Variants in ARID1B observed in about 807,000 individuals in gnomAD.
ARID1B encodes the protein AT-rich interaction domain 1B, also known as AT-rich interactive domain-containing protein 1B.
In ARID1B, 30 loss-of-function variants were observed where a neutral mutation model predicts 212.3. The ratio of observed to expected loss-of-function variants is 0.14; its 90% CI spans 0.11 to 0.19. The LOEUF is 0.19. Ranked by LOEUF, ARID1B falls within the 10% of genes least tolerant of loss-of-function variation. The pLI is 1.00. For synonymous variants in ARID1B, 1,402 were observed against 1,301.7 expected, an observed-to-expected ratio of 1.08 and a Z score of -1.66; for missense variants, 2,891 against 3,204.0, an observed-to-expected ratio of 0.90 and a Z score of 2.36.
At position 157,201,246 on chromosome 6, in the gene ARID1B, C is replaced by A. The variant is rs893119629; in HGVS notation, c.5021C>A (p.Ser1674Tyr). ...QTPPSLPNHI[S>Y]RAPSPASFQR... ...CCACCGTCACTGCCAAATCACATCT[C>A]CAGGGCGCCCAGCCCAGCGTCCTTC... Residue 1674 changes from serine to tyrosine, a missense_variant, in exon 18 of 20, where the codon TCC becomes TAC. Physicochemically the swap from Ser to Tyr is moderately radical, Grantham distance 144. Coordinates refer to ENST00000636930, the MANE Select transcript of ARID1B (RefSeq NM_001374828.1). This position sits in a 1 kb window ranked among gnomAD's most constrained non-coding sequence, Gnocchi z 5.2. 1 of 1,614,000 alleles carries A rather than the reference C, an allele frequency of 6.2e-7. No homozygotes were observed. The highest frequency in any genetic ancestry group is 8.5e-7 in the Non-Finnish European group (1 of 1,179,958).
chr6:157,108,445 A>G (rs796941807), intron 5 of ARID1B, among the ~76,000 whole-genome samples: 30 of 152,330 alleles, frequency 2.0e-4, no homozygotes, highest in African/African-American at 7.0e-4. Context: ...CCTGTCATGC[A>G]GAAGTGATCC....
At chr6:156,921,489 A>G (rs1010307958) in intron 3 of ARID1B, among the ~76,000 whole-genome samples, 1 of 133,002 alleles carries the variant, frequency 7.5e-6, no homozygotes, top group East Asian at 2.4e-4. Context: ...ACACACACAC[A>G]CACAAAATGT....
At chr6:157,169,615 G>A (rs566342741) in intron 9 of ARID1B, 1 of 152,294 alleles carries the variant, frequency 6.6e-6, no homozygotes, top group African/African-American at 2.4e-5. Context: ...ACAAATCACT[G>A]TAATACAATA....
At chr6:156,948,068 C>G (rs906902358) in intron 4 of ARID1B, among the ~76,000 whole-genome samples, 20 of 152,134 alleles carry the variant, frequency 1.3e-4, no homozygotes, top group African/African-American at 4.6e-4. Flanking sequence ...CCATGGTGTC[C>G]TGTGAGCTTT....
intron 4 of ARID1B, among the ~76,000 whole-genome samples, chr6:156,947,623 G>C (rs1315594396): frequency 7.0e-6 from 1 of 142,730 alleles, no homozygotes; most frequent in Non-Finnish European, 1.5e-5. Context: ...TCTGAACTCT[G>C]AAGGGCTAAT....
Position 156,899,820 on chromosome 6 carries a change from T to C in ARID1B, c.1987-1556T>C, listed in dbSNP as rs537566000. Among the ~76,000 whole-genome samples the C allele has an allele frequency of 2.6e-5, 4 of 152,298 alleles. No individual in the cohort carries two copies. In the South Asian group the frequency reaches 8.3e-4, roughly 32 times the overall value. Reference sequence around the variant, plus strand: ...AGTCAACATATTAAAGCGCAATTCATAGGGGAGTTGCTGGCTGTGTTGACT... The same window carrying C: ...AGTCAACATATTAAAGCGCAATTCACAGGGGAGTTGCTGGCTGTGTTGACT... On this transcript the variant is annotated intron_variant, in intron 2 of 19. Coordinates refer to ENST00000636930, the MANE Select transcript of ARID1B (RefSeq NM_001374828.1).
At chr6:157,118,367 T>A (rs1787472156) in intron 6 of ARID1B, among the ~76,000 whole-genome samples, 1 of 152,232 alleles carries the variant, frequency 6.6e-6, no homozygotes, top group Non-Finnish European at 1.5e-5. Flanking sequence ...CAGAAAATAT[T>A]CTCTTAATCT....
At chr6:157,005,629 G>C (rs1239802955) in intron 4 of ARID1B, among the ~76,000 whole-genome samples, 3 of 152,116 alleles carry the variant, frequency 2.0e-5, no homozygotes, top group Admixed American at 1.3e-4. Context: ...TTAGTGATTT[G>C]TTCATGAACT....
At position 156,901,435 on chromosome 6, in the gene ARID1B, A is replaced by C. The variant is rs766599882; in HGVS notation, c.2046A>C (p.Pro682=). The change falls in exon 3 of 20, where the codon CCA becomes CCC. Residue 682 remains proline (P), a synonymous_variant. Transcript: ENST00000636930. ...VSGYCQQGQQ[P]YYSQQPQPPH... ...GTTACTGCCAGCAGGGCCAACAGCC[A>C]TATTACAGCCAGCAGCCGCAGCCCC... 3 of 1,614,196 alleles carry C rather than the reference A, an allele frequency of 1.9e-6. No individual in the cohort carries two copies. Among genetic ancestry groups the C allele is most frequent in the Non-Finnish European group, 2.5e-6 (3 of 1,180,052 alleles).
chr6:157,201,308 T>A lies in ARID1B; in HGVS notation c.5083T>A (p.Ser1695Thr). 6.2e-7 allele frequency: 1 copy of A among 1,613,956 alleles called. No individual in the cohort carries two copies. The change falls in exon 18 of 20, where the codon TCT (serine) becomes ACT (threonine). Residue 1695 changes from serine to threonine, a missense_variant. Ser to Thr is a moderately conservative substitution (Grantham distance 58). Transcript: ENST00000636930. The surrounding 1 kb of genome is among the most constrained non-coding windows in gnomAD (Gnocchi z 5.2). The part of the protein sequence containing the change: ...SLENRMSPSK[S>T]PFLPSMKMQK... ...GGAGAACCGCATGTCTCCAAGCAAG[T>A]CTCCTTTTCTGCCGTCTATGAAGAT...
chr6:157,037,852 T>TGC (rs1291045846), intron 4 of ARID1B, among the ~76,000 whole-genome samples: 1 of 152,146 alleles, frequency 6.6e-6, no homozygotes, highest in Non-Finnish European at 1.5e-5. Flanking sequence ...AACCGCAGTG[T>TGC]GCAGGGTCTG....
rs190019057 is a variant in ARID1B at position 157,177,843 on chromosome 6, G to A, written c.3504+2838G>A. Among the ~76,000 whole-genome samples the A allele has an allele frequency of 2.0e-5, 3 of 152,322 alleles. No individual in the cohort carries two copies. In the East Asian group the frequency reaches 5.8e-4, roughly 29 times the overall value. The stretch of plus-strand genomic sequence containing the variant: ...AGGTAGGCCTTAGTGACTGGGAAAA[G>A]TGAACCCGTCTTTCCGAAGGGCGAG... On this transcript the variant is annotated intron_variant, in intron 11 of 19. Transcript: ENST00000636930.
chr6:156,888,630 A>G (rs1562461471), intron 2 of ARID1B, among the ~76,000 whole-genome samples: 1 of 140,800 alleles, frequency 7.1e-6, no homozygotes, highest in Non-Finnish European at 1.6e-5. Flanking sequence ...AATAAATGAT[A>G]CCACGAGTGT....
At chr6:157,117,694 C>T (rs572257200) in intron 6 of ARID1B, among the ~76,000 whole-genome samples, 1 of 152,342 alleles carries the variant, frequency 6.6e-6, no homozygotes, top group African/African-American at 2.4e-5. Context: ...CCTGTCAAAG[C>T]ACAAGACAAC....
intron 4 of ARID1B, among the ~76,000 whole-genome samples, chr6:157,067,168 C>T (rs1783721497): frequency 6.6e-6 from 1 of 152,168 alleles, no homozygotes; most frequent in African/African-American, 2.4e-5. Flanking sequence ...AGTATTTGTA[C>T]TAGTTTGTCA....
intron 1 of ARID1B, among the ~76,000 whole-genome samples, chr6:156,816,460 A>G (rs969654715): frequency 6.6e-6 from 1 of 152,222 alleles, no homozygotes; most frequent in Non-Finnish European, 1.5e-5. Flanking sequence ...CTATAAGGAA[A>G]ATTAGGGTGA....
chr6:156,950,752 T>C (rs1256952557), intron 4 of ARID1B, among the ~76,000 whole-genome samples: 2 of 152,224 alleles, frequency 1.3e-5, no homozygotes, highest in African/African-American at 4.8e-5. Context: ...ACTATGACTT[T>C]ACCGTTGCAA....
At chr6:157,091,233 T>C (rs1374282121) in intron 5 of ARID1B, among the ~76,000 whole-genome samples, 2 of 152,186 alleles carry the variant, frequency 1.3e-5, no homozygotes, top group East Asian at 1.9e-4. Context: ...CCAGCCATAA[T>C]GAATCTGTGC....
rs1788850957 is a variant in ARID1B, at chr6:156,900,655, C to T, written c.1987-721C>T. ...TTAAGAAAATATTCAAAAATACTAT[C>T]CATGGTATATTTATTGCATGAGGAA... On this transcript the variant is annotated intron_variant, in intron 2 of 19. Coordinates refer to ENST00000636930, the MANE Select transcript of ARID1B (RefSeq NM_001374828.1). 2.6e-5 allele frequency among the ~76,000 whole-genome samples: 4 copies of T among 152,232 alleles called. No homozygotes were observed. In the South Asian group the frequency reaches 8.3e-4, roughly 32 times the overall value.
Sources: allele counts gnomAD v4.1 joint callset (sites outside exome capture counted in the v4.1 genomes callset), GRCh38; gene constraint gnomAD v4.1.1; non-coding constraint Gnocchi (gnomAD v3.1); transcripts MANE v1.5; gene names NCBI Gene and HGNC (gene_info 2026-07-23, HGNC 2026-07-21).